Variants in CDH4 observed in about 807,000 individuals in gnomAD.
The protein encoded by CDH4 is cadherin 4.
A neutral mutation model predicts 86.0 loss-of-function variants in CDH4; 33 were observed. The observed-to-expected ratio is 0.38, with a 90% confidence interval of 0.29 to 0.51. CDH4 has a LOEUF of 0.51. Among genes scored for constraint, CDH4 ranks in the 20% least tolerant of loss-of-function variants. The pLI, the probability that CDH4 is intolerant of heterozygous loss-of-function variation, is 0.86. For missense variants in CDH4, 1,114 were observed against 1,307.4 expected (o/e 0.85, Z 2.28); for synonymous variants, 555 against 549.4 (o/e 1.01, Z -0.14).
intron 4 of CDH4, among the ~76,000 whole-genome samples, chr20:61,796,755 T>C (rs1164327414): frequency 1.3e-5 from 2 of 152,042 alleles, no homozygotes; most frequent in Non-Finnish European, 2.9e-5. Flanking sequence ...ACCCTGTGGC[T>C]CCCAGCACCC....
intron 2 of CDH4, among the ~76,000 whole-genome samples, chr20:61,391,653 T>C (rs568405763): frequency 1.3e-5 from 2 of 152,276 alleles, no homozygotes; most frequent in East Asian, 3.9e-4. Flanking sequence ...AGTAAGACAG[T>C]TGGTCCAAAG....
At chr20:61,318,704 C>T (rs530894666) in intron 2 of CDH4, among the ~76,000 whole-genome samples, 31 of 152,332 alleles carry the variant, frequency 2.0e-4, no homozygotes, top group African/African-American at 7.5e-4. Context: ...TCAGTGAGGT[C>T]AAGAAGCGTG....
rs141970365 is a variant in CDH4, at chr20:61,872,722, G to A, written c.878-1006G>A. Among the ~76,000 whole-genome samples, 1,102 of 152,344 alleles carry A rather than the reference G, an allele frequency of 7.2e-3. 10 individuals carry two copies. The highest frequency in any genetic ancestry group is 0.025 in the African/African-American group (1,033 of 41,570). On this transcript the variant is annotated intron_variant, in intron 6 of 15. Coordinates refer to ENST00000614565, the MANE Select transcript of CDH4 (RefSeq NM_001794.5). ...TGTGCAGAGCCAGGGCAGGAACACC[G>A]GAAGGTGGCGGGCAGAGTCCAGCCC... is the stretch of plus-strand genomic sequence containing the variant.
chr20:61,452,139 G>C (rs2085384314), intron 2 of CDH4, among the ~76,000 whole-genome samples: 2 of 152,290 alleles, frequency 1.3e-5, no homozygotes, highest in East Asian at 3.9e-4. Context: ...GCGGCTGGTG[G>C]AGGCTTGTGC....
intron 2 of CDH4, among the ~76,000 whole-genome samples, chr20:61,554,161 T>A (rs1047780957): frequency 1.3e-5 from 2 of 152,200 alleles, no homozygotes; most frequent in Non-Finnish European, 2.9e-5. Context: ...CTATGATATA[T>A]TTGCACAGCA....
At chr20:61,467,333 C>T (rs188956942) in intron 2 of CDH4, among the ~76,000 whole-genome samples, 8 of 152,308 alleles carry the variant, frequency 5.3e-5, no homozygotes, top group East Asian at 3.9e-4. Context: ...TACATATCAG[C>T]GTTCCATTTG....
At chr20:61,320,796 G>T (rs148140263) in intron 2 of CDH4, among the ~76,000 whole-genome samples, 1 of 151,966 alleles carries the variant, frequency 6.6e-6, no homozygotes, top group African/African-American at 2.4e-5. Flanking sequence ...GGCAAAGGGA[G>T]CAGCGTGCGC....
At chr20:61,499,499 G>C (rs1397005847) in intron 2 of CDH4, 1 of 1,288,954 alleles carries the variant, frequency 7.8e-7, no homozygotes, top group African/African-American at 1.5e-5. Context: ...GAAGGCAAGT[G>C]TGAGTGTGCT....
In CDH4 at chr20:61,829,885, G is replaced by C. The variant is rs1487610394; in HGVS notation, c.577-14783G>C. Among the ~76,000 whole-genome samples, 1 of 152,034 alleles carries C rather than the reference G, an allele frequency of 6.6e-6. No homozygotes were observed. The highest frequency in any genetic ancestry group is 1.9e-4 in the East Asian group (1 of 5,162). ...CATCCCTCCCGCCCCTAGCCTGCTG[G>C]GGTGGGAGGGACGAGGCTCCTGCCC... On this transcript the variant is annotated intron_variant, in intron 4 of 15. Transcript: ENST00000614565. The surrounding 1 kb of genome is among the most constrained non-coding windows in gnomAD (Gnocchi z 4.2).
intron 2 of CDH4, among the ~76,000 whole-genome samples, chr20:61,519,421 C>T (rs1004546491): frequency 2.6e-5 from 4 of 152,230 alleles, no homozygotes; most frequent in South Asian, 2.1e-4. Flanking sequence ...CAGGTGCCGG[C>T]GGGAGGTCCT....
intron 2 of CDH4, among the ~76,000 whole-genome samples, chr20:61,335,232 C>T (rs145342840): frequency 6.6e-6 from 1 of 152,326 alleles, no homozygotes; most frequent in East Asian, 1.9e-4. Flanking sequence ...GCAGTCGTCC[C>T]TGTGTTCAAC....
intron 4 of CDH4, among the ~76,000 whole-genome samples, chr20:61,813,088 G>A (rs968403767): frequency 6.6e-6 from 1 of 152,230 alleles, no homozygotes; most frequent in Non-Finnish European, 1.5e-5. Flanking sequence ...CAAACAGAGA[G>A]AGCAAGGTTT....
intron 2 of CDH4, among the ~76,000 whole-genome samples, chr20:61,670,366 G>C (rs971856400): frequency 3.3e-5 from 5 of 152,190 alleles, no homozygotes; most frequent in African/African-American, 1.2e-4. Context: ...TATTGGGAGT[G>C]ACTGTCATTG....
intron 2 of CDH4, among the ~76,000 whole-genome samples, chr20:61,539,236 G>T (rs1600740062): frequency 6.6e-6 from 1 of 152,274 alleles, no homozygotes; most frequent in East Asian, 1.9e-4. Flanking sequence ...GAAGCCTCTG[G>T]GTCTCACCCA....
Position 61,923,514 on chromosome 20 carries a change from C to G in CDH4, c.1438C>G (p.Leu480Val), listed in dbSNP as rs755002210. The change falls in exon 10 of 16, where the codon CTG (leucine) becomes GTG (valine). Residue 480 changes from leucine (L) to valine (V), a missense_variant. Coordinates refer to ENST00000614565, the MANE Select transcript of CDH4 (RefSeq NM_001794.5). ...LTVMVSNQAP[L>V]ASGIQMSFQS... ...AGTGATGGTGTCCAACCAGGCGCCC[C>G]TGGCCAGCGGAATCCAGATGTCCTT... 6.2e-7 allele frequency: 1 copy of G among 1,614,228 alleles called. No homozygotes were observed. The highest frequency in any genetic ancestry group is 8.5e-7 in the Non-Finnish European group (1 of 1,180,042).
intron 8 of CDH4, among the ~76,000 whole-genome samples, chr20:61,906,445 G>A (rs1028254280): frequency 2.0e-4 from 31 of 152,268 alleles, no homozygotes; most frequent in African/African-American, 6.0e-4. Context: ...GGACCGGAGC[G>A]GCATGGTCCT....
chr20:61,292,179 C>T (rs968883001), intron 2 of CDH4, among the ~76,000 whole-genome samples: 3 of 152,196 alleles, frequency 2.0e-5, no homozygotes, highest in African/African-American at 7.2e-5. Flanking sequence ...AAGACACATG[C>T]ACGCAAATAT....
chr20:61,553,836 T>G (rs1358504303), intron 2 of CDH4, among the ~76,000 whole-genome samples: 1 of 152,252 alleles, frequency 6.6e-6, no homozygotes, highest in Non-Finnish European at 1.5e-5. Flanking sequence ...GGTAGATATG[T>G]GCATCAAATA....
intron 2 of CDH4, among the ~76,000 whole-genome samples, chr20:61,549,254 G>A (rs1011724188): frequency 5.9e-5 from 9 of 152,164 alleles, no homozygotes; most frequent in Non-Finnish European, 1.0e-4. Context: ...ACAGTCGCTG[G>A]TTAAAGTGGT....
Sources: allele counts gnomAD v4.1 joint callset (sites outside exome capture counted in the v4.1 genomes callset), GRCh38; gene constraint gnomAD v4.1.1; non-coding constraint Gnocchi (gnomAD v3.1); transcripts MANE v1.5; gene names NCBI Gene and HGNC (gene_info 2026-07-23, HGNC 2026-07-21).